CAAP1: variants seen among roughly 807,000 people sequenced by gnomAD.
The protein encoded by CAAP1 is caspase activity and apoptosis inhibitor 1.
In CAAP1, 20 loss-of-function variants were observed where a neutral mutation model predicts 34.0. That is an observed-to-expected ratio of 0.59 (90% CI 0.41 to 0.86). The LOEUF is 0.86. CAAP1 is among the 40% of genes least tolerant of loss of function. The pLI, the probability that CAAP1 is intolerant of heterozygous loss-of-function variation, is 0.00. For synonymous variants in CAAP1, 213 were observed against 166.7 expected (o/e 1.28, Z -2.14); for missense variants, 538 against 450.5 (o/e 1.19, Z -1.76).
At chr9:26,863,266 G>C (rs1053234707) in intron 4 of CAAP1, among the ~76,000 whole-genome samples, 1 of 152,104 alleles carries the variant, frequency 6.6e-6, no homozygotes, top group Non-Finnish European at 1.5e-5. Flanking sequence ...ATTTCAGACA[G>C]TAAGTATTTT....
Position 26,892,433 on chromosome 9 carries a change from C to A in CAAP1, c.283G>T (p.Val95Phe). The A allele has an allele frequency of 6.2e-7, 1 of 1,603,044 alleles. No homozygotes were observed. The highest frequency in any genetic ancestry group is 1.7e-5 in the Admixed American group (1 of 59,144). The change falls in exon 1 of 6, where the codon GTC becomes TTC. Residue 95 changes from valine to phenylalanine, a missense_variant. Physicochemically the swap from Val to Phe is conservative, Grantham distance 50 (BLOSUM62 -1). This residue lies in a region of CAAP1 where 514 missense variants were observed against 408.4 expected (regional missense o/e 1.26). Transcript: ENST00000333916. ...RKRRSTDSSS[V>F]SGSLQQETKY... is the part of the protein sequence containing the mutation. ...CGCACCTGCTGCAAGGAGCCCGAGA[C>A]GCTGGAAGAGTCGGTACTCCTCCGC...
rs1476879854 is a variant in CAAP1 at position 26,892,644 on chromosome 9, C to T, written c.72G>A (p.Ala24=). 2 of 1,608,296 alleles carry T rather than the reference C, an allele frequency of 1.2e-6. No homozygotes were observed. The highest frequency in any genetic ancestry group is 2.2e-5 in the South Asian group (2 of 90,978). Residue 24 remains alanine, a synonymous_variant, in exon 1 of 6, where the codon GCG becomes GCA. Coordinates refer to ENST00000333916, the MANE Select transcript of CAAP1 (RefSeq NM_024828.4). Reference sequence around the variant, plus strand: ...CCAACGCGGGTACGATGTCCGGGGCCGCGAGCGCTGCGGCCGCCTCCTGAC... The same window carrying T: ...CCAACGCGGGTACGATGTCCGGGGCTGCGAGCGCTGCGGCCGCCTCCTGAC... ...RSSQEAAAAL[A]APDIVPALAS...
chr9:26,854,154 A>G (rs1003980440), intron 5 of CAAP1, among the ~76,000 whole-genome samples: 2 of 152,214 alleles, frequency 1.3e-5, no homozygotes, highest in African/African-American at 4.8e-5. Context: ...GATAACAGAA[A>G]TAATTACAAG....
At chr9:26,872,011 G>A (rs2131323834) in intron 4 of CAAP1, among the ~76,000 whole-genome samples, 1 of 152,280 alleles carries the variant, frequency 6.6e-6, no homozygotes, top group South Asian at 2.1e-4. Context: ...GATGGGCTAT[G>A]TAACTCTATA....
At chr9:26,843,356 C>T (rs1056770666) in intron 5 of CAAP1, among the ~76,000 whole-genome samples, 11 of 152,284 alleles carry the variant, frequency 7.2e-5, no homozygotes, top group African/African-American at 2.4e-4. Flanking sequence ...CCACCTTGTT[C>T]TTGGCATTGA....
At chr9:26,849,208 C>T (rs984772522) in intron 5 of CAAP1, among the ~76,000 whole-genome samples, 2 of 152,134 alleles carry the variant, frequency 1.3e-5, no homozygotes, top group African/African-American at 4.8e-5. Context: ...TGATAAAGCC[C>T]TTTTTTTCCC....
intron 4 of CAAP1, among the ~76,000 whole-genome samples, chr9:26,873,280 GAGAACT>G: frequency 6.6e-6 from 1 of 152,098 alleles, no homozygotes; most frequent in Non-Finnish European, 1.5e-5. Context: ...AACTTATTTT[GAGAACT>G]TGAGATTTTT....
intron 5 of CAAP1, among the ~76,000 whole-genome samples, chr9:26,857,243 A>G (rs528520819): frequency 2.6e-5 from 4 of 152,378 alleles, no homozygotes; most frequent in African/African-American, 9.6e-5. Flanking sequence ...GCATGCACAC[A>G]TACACCTACA....
At chr9:26,878,389 C>T (rs574894527) in intron 4 of CAAP1, among the ~76,000 whole-genome samples, 1 of 152,268 alleles carries the variant, frequency 6.6e-6, no homozygotes, top group South Asian at 2.1e-4. Context: ...TTAGTAGCTA[C>T]TCCAAAACTG....
intron 5 of CAAP1, among the ~76,000 whole-genome samples, chr9:26,851,521 G>T (rs1822752601): frequency 6.6e-6 from 1 of 152,186 alleles, no homozygotes; most frequent in South Asian, 2.1e-4. Flanking sequence ...CTCCCTGCTA[G>T]TCTTTTACAA....
chr9:26,855,390 T>A (rs1169254392), intron 5 of CAAP1, among the ~76,000 whole-genome samples: 1 of 152,210 alleles, frequency 6.6e-6, no homozygotes, highest in African/African-American at 2.4e-5. Flanking sequence ...AAATATTCTA[T>A]ATATTGTAAT....
intron 5 of CAAP1, among the ~76,000 whole-genome samples, chr9:26,857,064 G>C (rs1822886633): frequency 6.6e-6 from 1 of 152,058 alleles, no homozygotes; most frequent in African/African-American, 2.4e-5. Context: ...TAAAAATATT[G>C]TCTACAAATG....
At chr9:26,873,744 A>G (rs754759356) in intron 4 of CAAP1, among the ~76,000 whole-genome samples, 1 of 152,200 alleles carries the variant, frequency 6.6e-6, no homozygotes, top group Non-Finnish European at 1.5e-5. Context: ...GTTTTATCTT[A>G]ATCTGTAACT....
chr9:26,869,522 A>C (rs1288490721), intron 4 of CAAP1, among the ~76,000 whole-genome samples: 4 of 152,148 alleles, frequency 2.6e-5, no homozygotes, highest in Admixed American at 1.3e-4. Context: ...GGAAAAAAAA[A>C]CCATTTATAT....
rs1171484841 is a variant in CAAP1 at position 26,878,503 on chromosome 9, C to CA, written c.665+6306dup. On this transcript the variant is annotated intron_variant, in intron 4 of 5. Coordinates refer to ENST00000333916, the MANE Select transcript of CAAP1 (RefSeq NM_024828.4). Reference sequence around the variant, plus strand: ...CAGTTTTTTCAGGTTCTCCCAGACTCAGAGACAGGAAACAGCTGGCCCATT... The same window carrying CA: ...CAGTTTTTTCAGGTTCTCCCAGACTCAAGAGACAGGAAACAGCTGGCCCATT... Among the ~76,000 whole-genome samples the CA allele has an allele frequency of 2.6e-5, 4 of 152,190 alleles. No individual in the cohort carries two copies. In the East Asian group the frequency reaches 5.8e-4, roughly 22 times the overall value.
intron 4 of CAAP1, among the ~76,000 whole-genome samples, chr9:26,869,619 C>G (rs1368082909): frequency 6.6e-6 from 1 of 152,184 alleles, no homozygotes; most frequent in African/African-American, 2.4e-5. Context: ...AAACTCAAAA[C>G]AATCTAATCA....
chr9:26,852,042 T>C (rs902407221), intron 5 of CAAP1, among the ~76,000 whole-genome samples: 1 of 152,114 alleles, frequency 6.6e-6, no homozygotes, highest in Non-Finnish European at 1.5e-5. Flanking sequence ...AATGTAAAAT[T>C]ATTTATTTAT....
In CAAP1 at chr9:26,876,472, G is replaced by GGTTTTTTTTTTTT. The variant is rs1554652213; in HGVS notation, c.665+8337_665+8338insAAAAAAAAAAAAC. On this transcript the variant is annotated intron_variant, in intron 4 of 5. Coordinates refer to ENST00000333916, the MANE Select transcript of CAAP1 (RefSeq NM_024828.4). ...TTCTATCATATATGCATTCTAGAAG[G>GGTTTTTTTTTTTT]TTTTTTTTTTTTTTTTTTTGAGATT... 2.4e-5 allele frequency among the ~76,000 whole-genome samples: 3 copies of GGTTTTTTTTTTTT among 125,712 alleles called. 1 individual carries two copies. Among genetic ancestry groups the GGTTTTTTTTTTTT allele is most frequent in the Non-Finnish European group, 3.5e-5 (2 of 57,270 alleles). 82.5% of individuals were successfully genotyped at this position (125,712 alleles called of 152,430 possible). A position where few individuals can be genotyped will look rare whatever the true frequency, so the allele number is the denominator to read the frequency against.
chr9:26,842,246 T>C lies in CAAP1; in HGVS notation c.*55A>G. ...CCCCAAATAAATTTTAGATACAAAA[T>C]TAAATGATGTGGCTTTGTTCAAACA... On this transcript the variant is annotated 3_prime_UTR_variant, in exon 6 of 6. Coordinates refer to ENST00000333916, the MANE Select transcript of CAAP1 (RefSeq NM_024828.4). 7.3e-7 allele frequency: 1 copy of C among 1,370,038 alleles called. No individual in the cohort carries two copies. The highest frequency in any genetic ancestry group is 9.9e-7 in the Non-Finnish European group (1 of 1,009,950). The allele number at this position is 1,370,038 out of a possible 1,614,324, so 84.9% of individuals were successfully genotyped here. A position where few individuals can be genotyped will look rare whatever the true frequency, so the allele number is the denominator to read the frequency against.
Sources: gnomAD v4.1 joint callset for allele counts (sites outside exome capture counted in the v4.1 genomes callset) on GRCh38, gnomAD v4.1.1 for gene constraint, gnomAD v4.1.1 regional missense constraint, MANE v1.5 for transcripts, NCBI Gene and HGNC (gene_info 2026-07-23, HGNC 2026-07-21) for gene names.